Variants in BCL2 observed in about 807,000 individuals in gnomAD.
The protein encoded by BCL2 is apoptosis regulator Bcl-2.
BCL2 carries 1 observed loss-of-function variant against 14.2 expected under a neutral mutation model. The ratio of observed to expected loss-of-function variants is 0.07; its 90% confidence interval spans 0.02 to 0.33. The LOEUF (loss-of-function observed/expected upper bound fraction) is 0.33. BCL2 is among the 10% of genes least tolerant of loss of function. The pLI is 0.99. For missense variants in BCL2, 247 were observed against 305.9 expected, an observed-to-expected ratio of 0.81 and a Z score of 1.44; for synonymous variants, 151 against 137.2, an observed-to-expected ratio of 1.10 and a Z score of -0.70.
At chr18:63,178,148 T>C (rs1437601539) in intron 2 of BCL2, among the ~76,000 whole-genome samples, 1 of 152,200 alleles carries the variant, frequency 6.6e-6, no homozygotes, top group African/African-American at 2.4e-5. Flanking sequence ...TGGCAGAAAC[T>C]ACCAGCTCGT....
intron 2 of BCL2, among the ~76,000 whole-genome samples, chr18:63,206,648 TA>T (rs1909844733): frequency 6.6e-6 from 1 of 152,232 alleles, no homozygotes; most frequent in African/African-American, 2.4e-5. Context: ...TTGATGCCTC[TA>T]GTAAGTGCCA....
intron 2 of BCL2, among the ~76,000 whole-genome samples, chr18:63,207,222 T>C (rs974484358): frequency 6.6e-6 from 1 of 152,180 alleles, no homozygotes; most frequent in Non-Finnish European, 1.5e-5. Context: ...GAGCCCAGGA[T>C]GCCGGCAGAG....
chr18:63,135,996 C>T (rs1237764071), intron 2 of BCL2, among the ~76,000 whole-genome samples: 3 of 151,998 alleles, frequency 2.0e-5, no homozygotes, highest in Non-Finnish European at 2.9e-5. Context: ...CTCTGATGCC[C>T]CGGACACCAA....
rs749459180 is a variant in BCL2 at position 63,128,769 on chromosome 18, G to T, written c.586-10C>A. The T allele has an allele frequency of 2.6e-6, 2 of 778,292 alleles. No individual in the cohort carries two copies. Among genetic ancestry groups the T allele is most frequent in the African/African-American group, 1.7e-5 (1 of 59,042 alleles). The allele number at this position is 778,292 out of a possible 1,614,324, so 48.2% of individuals were successfully genotyped here. A position where few individuals can be genotyped will look rare whatever the true frequency, so the allele number is the denominator to read the frequency against. On this transcript the variant is annotated splice_polypyrimidine_tract_variant and intron_variant, in intron 2 of 2. Coordinates refer to ENST00000333681, the MANE Select transcript of BCL2 (RefSeq NM_000633.3). ...GTTCCACAAAGGCATCCTGCAGTTG[G>T]GGGAGAGGAGGGAAGAAAAAGAAAG... is the stretch of plus-strand genomic sequence containing the variant.
In BCL2 at chr18:63,149,409, G is replaced by A. The variant is rs190545292; in HGVS notation, c.586-20650C>T. Among the ~76,000 whole-genome samples, 6 of 152,312 alleles carry A rather than the reference G, an allele frequency of 3.9e-5. No individual in the cohort carries two copies. Among genetic ancestry groups the A allele is most frequent in the Admixed American group, 2.0e-4 (3 of 15,312 alleles). On this transcript the variant is annotated intron_variant, in intron 2 of 2. Transcript: ENST00000333681. This position sits in a 1 kb window ranked among gnomAD's most constrained non-coding sequence, Gnocchi z 4.2. The stretch of plus-strand genomic sequence containing the variant: ...GCCAGCTGCTCACCTCCTGCTGTGC[G>A]GCCCTGTTCCTAACAGGCCACAGAC...
chr18:63,245,995 G>A (rs1251269895), intron 2 of BCL2, among the ~76,000 whole-genome samples: 1 of 152,186 alleles, frequency 6.6e-6, no homozygotes, highest in Non-Finnish European at 1.5e-5. Flanking sequence ...TCTAATCTGT[G>A]AAAGGTATCC....
At chr18:63,142,573 C>T (rs1166463721) in intron 2 of BCL2, among the ~76,000 whole-genome samples, 1 of 152,204 alleles carries the variant, frequency 6.6e-6, no homozygotes, top group Non-Finnish European at 1.5e-5. Context: ...TTACTCAGAT[C>T]CCAGCTCCCC....
At position 63,124,973 on chromosome 18, in the gene BCL2, AT is replaced by A. The variant is rs1473669936; in HGVS notation, c.*3651del. 7 of 221,852 alleles carry A rather than the reference AT, an allele frequency of 3.2e-5. No homozygotes were observed. Among genetic ancestry groups the A allele is most frequent in the African/African-American group, 1.6e-4 (7 of 44,716 alleles). 13.7% of individuals were successfully genotyped at this position (221,852 alleles called of 1,614,324 possible). A position where few individuals can be genotyped will look rare whatever the true frequency, so the allele number is the denominator to read the frequency against. On this transcript the variant is annotated 3_prime_UTR_variant, in exon 3 of 3. Transcript: ENST00000333681. ...GAGTTTAAGTTCACATTTATAAACTATTTGTTTTAGGATAAGTTCAATTACA... is the reference window on the plus strand; with the variant it reads ...GAGTTTAAGTTCACATTTATAAACTATTGTTTTAGGATAAGTTCAATTACA...
chr18:63,151,916 T>C (rs1847603597), intron 2 of BCL2, among the ~76,000 whole-genome samples: 1 of 152,204 alleles, frequency 6.6e-6, no homozygotes, highest in African/African-American at 2.4e-5. Flanking sequence ...AATGGGCTCA[T>C]TGGCTAAATC....
At chr18:63,191,544 T>G (rs1387820393) in intron 2 of BCL2, among the ~76,000 whole-genome samples, 1 of 152,236 alleles carries the variant, frequency 6.6e-6, no homozygotes, top group Non-Finnish European at 1.5e-5. Flanking sequence ...CCTACTCATA[T>G]GAAAAAACAC....
In BCL2 at chr18:63,133,593, C is replaced by T. The variant is rs565676777; in HGVS notation, c.586-4834G>A. Reference sequence around the variant, plus strand: ...ATGAGCCACCACCCCTGGTCCACTTCGAGAAATTTCACGTAAACCTAAAAT... The same window carrying T: ...ATGAGCCACCACCCCTGGTCCACTTTGAGAAATTTCACGTAAACCTAAAAT... On this transcript the variant is annotated intron_variant, in intron 2 of 2. Coordinates refer to ENST00000333681, the MANE Select transcript of BCL2 (RefSeq NM_000633.3). Among the ~76,000 whole-genome samples, 251 of 152,102 alleles carry T rather than the reference C, an allele frequency of 1.7e-3. 1 individual carries two copies. Among genetic ancestry groups the T allele is most frequent in the African/African-American group, 5.6e-3 (232 of 41,510 alleles).
intron 2 of BCL2, among the ~76,000 whole-genome samples, chr18:63,178,317 A>C (rs1280968336): frequency 6.6e-6 from 1 of 152,180 alleles, no homozygotes; most frequent in Admixed American, 6.5e-5. Context: ...GTTGTTTAGA[A>C]ATGAAAATGG....
intron 2 of BCL2, among the ~76,000 whole-genome samples, chr18:63,280,058 C>A (rs1912264971): frequency 6.6e-6 from 1 of 152,076 alleles, no homozygotes; most frequent in South Asian, 2.1e-4. Flanking sequence ...TTTAAAATAG[C>A]CCAATGGGAT....
chr18:63,280,303 A>G (rs2144253298), intron 2 of BCL2, among the ~76,000 whole-genome samples: 1 of 152,316 alleles, frequency 6.6e-6, no homozygotes, highest in South Asian at 2.1e-4. Flanking sequence ...TTCCGTATCT[A>G]TTAAATGAAG....
intron 2 of BCL2, among the ~76,000 whole-genome samples, chr18:63,193,600 G>T (rs1457856441): frequency 2.7e-5 from 4 of 150,154 alleles, no homozygotes; most frequent in Non-Finnish European, 5.9e-5. Context: ...GTGTGTGTGT[G>T]TGTGTGTGTG....
intron 2 of BCL2, among the ~76,000 whole-genome samples, chr18:63,158,757 C>T (rs1050294850): frequency 1.3e-5 from 2 of 152,262 alleles, no homozygotes; most frequent in South Asian, 2.1e-4. Flanking sequence ...TTTATAGCGC[C>T]GCCTGTCTGC....
chr18:63,206,607 G>A (rs1448748672), intron 2 of BCL2, among the ~76,000 whole-genome samples: 5 of 152,236 alleles, frequency 3.3e-5, no homozygotes, highest in Admixed American at 3.3e-4. Flanking sequence ...GAATCCAGGT[G>A]TGCCTTCGCC....
At chr18:63,162,965 T>G (rs1914960207) in intron 2 of BCL2, among the ~76,000 whole-genome samples, 1 of 152,184 alleles carries the variant, frequency 6.6e-6, no homozygotes, top group African/African-American at 2.4e-5. Flanking sequence ...AGTGATCCTC[T>G]TGCCTCAACC....
intron 2 of BCL2, among the ~76,000 whole-genome samples, chr18:63,217,476 AACAG>A (rs1910236953): frequency 6.6e-6 from 1 of 152,188 alleles, no homozygotes; most frequent in East Asian, 1.9e-4. Context: ...GGGTTTTCCT[AACAG>A]AGTTTCAGGA....
Sources: gnomAD v4.1 joint callset for allele counts (sites outside exome capture counted in the v4.1 genomes callset) on GRCh38, gnomAD v4.1.1 for gene constraint, Gnocchi (gnomAD v3.1) non-coding constraint, MANE v1.5 for transcripts, NCBI Gene and HGNC (gene_info 2026-07-23, HGNC 2026-07-21) for gene names.